Variants in FOXN3 observed in about 807,000 individuals in gnomAD.
The protein encoded by FOXN3 is forkhead box N3.
In FOXN3, 7 loss-of-function variants were observed where a neutral mutation model predicts 38.4. The ratio of observed to expected loss-of-function variants is 0.18; its 90% CI spans 0.10 to 0.34. FOXN3 has a LOEUF of 0.34. Ranked by LOEUF, FOXN3 falls within the 10% of genes least tolerant of loss-of-function variation. FOXN3 has a pLI of 1.00. For synonymous variants in FOXN3, 230 were observed against 242.2 expected (o/e 0.95, Z 0.47); for missense variants, 456 against 613.4 (o/e 0.74, Z 2.71).
chr14:89,409,326 G>A (rs1891471869), intron 2 of FOXN3: 1 of 136,226 alleles, frequency 7.3e-6, no homozygotes, highest in Admixed American at 7.9e-5. Context: ...TGGAAAACAT[G>A]ACTCCCAGAA....
intron 1 of FOXN3, among the ~76,000 whole-genome samples, chr14:89,615,861 G>C (rs1896484519): frequency 6.6e-6 from 1 of 152,082 alleles, no homozygotes; most frequent in Non-Finnish European, 1.5e-5. Flanking sequence ...CATTAAAATA[G>C]AGTTAGGACT....
At chr14:89,518,061 C>A (rs1245051151) in intron 1 of FOXN3, among the ~76,000 whole-genome samples, 1 of 152,202 alleles carries the variant, frequency 6.6e-6, no homozygotes, top group Non-Finnish European at 1.5e-5. Flanking sequence ...TGGTCATTGA[C>A]AAGACAGAGC....
rs1393517675 is a variant in FOXN3 at position 89,562,420 on chromosome 14, C to G, written c.-15+56608G>C. Reference sequence around the variant, plus strand: ...GATTACAGGCATGCACCACCATGCCCAGCTAATTTTTGTATTTTCAGTAGA... The same window carrying G: ...GATTACAGGCATGCACCACCATGCCGAGCTAATTTTTGTATTTTCAGTAGA... On this transcript the variant is annotated intron_variant, in intron 1 of 6. Coordinates refer to the FOXN3 transcript ENST00000345097. Among the ~76,000 whole-genome samples the G allele has an allele frequency of 2.0e-5, 3 of 152,054 alleles. 1 individual carries two copies. The highest frequency in any genetic ancestry group is 7.2e-5 in the African/African-American group (3 of 41,392).
intron 1 of FOXN3, among the ~76,000 whole-genome samples, chr14:89,552,785 G>A (rs1013782977): frequency 9.2e-5 from 14 of 152,128 alleles, no homozygotes; most frequent in African/African-American, 3.4e-4. Context: ...CTTGAACCCA[G>A]GAGACGGAGG....
chr14:89,562,672 G>A (rs144831905), intron 1 of FOXN3, among the ~76,000 whole-genome samples: 205 of 152,222 alleles, frequency 1.3e-3, no homozygotes, highest in Non-Finnish European at 2.4e-3. Flanking sequence ...ACCTTCAAAG[G>A]GTTATTACAA....
At chr14:89,463,612 C>T (rs537800564) in intron 1 of FOXN3, among the ~76,000 whole-genome samples, 2 of 152,252 alleles carry the variant, frequency 1.3e-5, no homozygotes, top group South Asian at 4.1e-4. Context: ...TTTTGAAAAG[C>T]CTCCATTCCA....
At chr14:89,447,863 G>A (rs1157478278) in intron 1 of FOXN3, among the ~76,000 whole-genome samples, 1 of 113,346 alleles carries the variant, frequency 8.8e-6, no homozygotes. Flanking sequence ...TGTTGCCCAA[G>A]CTGGAGTGCA....
chr14:89,252,340 G>A (rs1029252861), intron 4 of FOXN3, among the ~76,000 whole-genome samples: 1 of 152,030 alleles, frequency 6.6e-6, no homozygotes, highest in African/African-American at 2.4e-5. Context: ...TTGAAAATTC[G>A]AATTCATTGC....
chr14:89,405,062 CAAG>C (rs1197132781), intron 2 of FOXN3, among the ~76,000 whole-genome samples: 1 of 152,108 alleles, frequency 6.6e-6, no homozygotes, highest in Non-Finnish European at 1.5e-5. Flanking sequence ...TTCACAACAC[CAAG>C]AAGAGAAAAC....
intron 1 of FOXN3, among the ~76,000 whole-genome samples, chr14:89,470,627 T>C (rs992615064): frequency 6.6e-6 from 1 of 152,248 alleles, no homozygotes; most frequent in East Asian, 1.9e-4. Context: ...ATATTCCAGA[T>C]AGCTGAATTT....
chr14:89,524,371 CAAAAAAAAAAAAAAA>C (rs1301922423), intron 1 of FOXN3, among the ~76,000 whole-genome samples: 1 of 6,562 alleles, frequency 1.5e-4, no homozygotes, highest in African/African-American at 3.5e-4. Context: ...GACTCCATCT[CAAAAAAAAAAAAAAA>C]AAAAAAAAAA....
At chr14:89,485,965 C>A (rs1000271557) in intron 1 of FOXN3, among the ~76,000 whole-genome samples, 2 of 152,160 alleles carry the variant, frequency 1.3e-5, no homozygotes, top group Admixed American at 1.3e-4. Flanking sequence ...CTAATTATTT[C>A]AATCCCAATC....
chr14:89,450,632 C>A (rs770030207), intron 1 of FOXN3, among the ~76,000 whole-genome samples: 1 of 151,252 alleles, frequency 6.6e-6, no homozygotes. Flanking sequence ...GTCGCCCAGG[C>A]TGGAGTGCAG....
chr14:89,385,738 C>T (rs1364918122), intron 2 of FOXN3, among the ~76,000 whole-genome samples: 2 of 152,284 alleles, frequency 1.3e-5, no homozygotes, highest in Admixed American at 6.5e-5. Flanking sequence ...ACCCAGGACG[C>T]GGAGGCTGTG....
intron 1 of FOXN3, among the ~76,000 whole-genome samples, chr14:89,524,247 G>A (rs1188783236): frequency 2.0e-5 from 3 of 146,910 alleles, no homozygotes; most frequent in Non-Finnish European, 4.5e-5. Flanking sequence ...GGTGGTGGGC[G>A]CCTGTAGTCC....
intron 1 of FOXN3, among the ~76,000 whole-genome samples, chr14:89,483,575 A>C (rs889264481): frequency 5.9e-5 from 9 of 151,952 alleles, no homozygotes; most frequent in African/African-American, 2.2e-4. Context: ...CACCCAGCTA[A>C]TTTTTGTATT....
chr14:89,461,133 A>G (rs868385747), intron 1 of FOXN3, among the ~76,000 whole-genome samples: 1 of 151,890 alleles, frequency 6.6e-6, no homozygotes, highest in Middle Eastern at 3.2e-3. Context: ...AGAAATCAAG[A>G]CCATCATGGC....
intron 4 of FOXN3, among the ~76,000 whole-genome samples, chr14:89,243,339 T>C (rs1040301148): frequency 1.4e-4 from 21 of 152,370 alleles, no homozygotes; most frequent in African/African-American, 3.4e-4. Flanking sequence ...GTCAGATCTT[T>C]ACAACATGAG....
intron 1 of FOXN3, among the ~76,000 whole-genome samples, chr14:89,508,502 A>G (rs1333022320): frequency 6.6e-6 from 1 of 152,194 alleles, no homozygotes; most frequent in East Asian, 1.9e-4. Flanking sequence ...GGATGGGGAA[A>G]GCGGTGTTGA....
Sources: allele counts gnomAD v4.1 joint callset (sites outside exome capture counted in the v4.1 genomes callset), GRCh38; gene constraint gnomAD v4.1.1; transcripts MANE v1.5; gene names NCBI Gene and HGNC (gene_info 2026-07-23, HGNC 2026-07-21).